The following GRB10 variants were observed in gnomAD, a reference collection of about 807,000 sequenced individuals.
The protein encoded by GRB10 is growth factor receptor-bound protein 10.
A neutral mutation model predicts 80.9 loss-of-function variants in GRB10; 20 were observed. That is an observed-to-expected ratio of 0.25 (90% CI 0.17 to 0.36). The LOEUF (loss-of-function observed/expected upper bound fraction) is 0.36, where lower values mean the gene tolerates loss of function less well. Among genes scored for constraint, GRB10 ranks in the 10% least tolerant of loss-of-function variants. The pLI is 1.00. For missense variants in GRB10, 548 were observed against 747.7 expected (o/e 0.73, Z 3.12); for synonymous variants, 291 against 291.5 (o/e 1.00, Z 0.02).
chr7:50,626,715 T>A (rs1205024221), intron 8 of GRB10, 107 bp downstream of exon 8: 7 of 1,298,854 alleles, frequency 5.4e-6, no homozygotes, highest in Non-Finnish European at 7.8e-6. Context: ...GCCTGCTAAT[T>A]TCGCAGGGGA....
At position 50,603,912 on chromosome 7, in the gene GRB10, A is replaced by T. The variant is rs1585522598; in HGVS notation, c.1544+86T>A. The T allele has an allele frequency of 3.6e-6, 4 of 1,100,084 alleles. No individual in the cohort carries two copies. In the East Asian group the frequency reaches 9.4e-5, roughly 26 times the overall value. The allele number at this position is 1,100,084 out of a possible 1,614,324, so 68.1% of individuals were successfully genotyped here. A position where few individuals can be genotyped will look rare whatever the true frequency, so the allele number is the denominator to read the frequency against. On this transcript the variant is annotated intron_variant, in intron 17 of 18. Transcript: ENST00000401949. ...GGACAAAACTGCTGCCTGTCCAGCAAGGATGTCTGAGGAATTAAACAGAAC... is the reference window on the plus strand; with the variant it reads ...GGACAAAACTGCTGCCTGTCCAGCATGGATGTCTGAGGAATTAAACAGAAC...
At chr7:50,757,199 G>A (rs1300588623) in intron 2 of GRB10, among the ~76,000 whole-genome samples, 1 of 152,192 alleles carries the variant, frequency 6.6e-6, no homozygotes, top group African/African-American at 2.4e-5. Flanking sequence ...CCACCCCTTA[G>A]CGGCTGATGT....
chr7:50,592,542 AAAG>A lies in GRB10; in HGVS notation c.*407_*409del, dbSNP rs770359104. 4.3e-5 allele frequency: 12 copies of A among 279,890 alleles called. No individual in the cohort carries two copies. The highest frequency in any genetic ancestry group is 9.0e-5 in the East Asian group (1 of 11,166). The allele number at this position is 279,890 out of a possible 1,614,324, so 17.3% of individuals were successfully genotyped here. On this transcript the variant is annotated 3_prime_UTR_variant, in exon 19 of 19. Transcript: ENST00000401949. The stretch of plus-strand genomic sequence containing the variant: ...ATAGGCTGAATACAATATTGAAAAC[AAAG>A]AAGGAGTGCAAAAAAGTGATCAATA...
intron 7 of GRB10, among the ~76,000 whole-genome samples, chr7:50,642,563 C>CT: frequency 6.6e-6 from 1 of 152,158 alleles, no homozygotes; most frequent in African/African-American, 2.4e-5. Context: ...CCAAAAAACT[C>CT]TAAAATCTGA....
At chr7:50,610,147 A>C (rs968880229) in intron 13 of GRB10, among the ~76,000 whole-genome samples, 1 of 152,158 alleles carries the variant, frequency 6.6e-6, no homozygotes, top group Non-Finnish European at 1.5e-5. Context: ...AAGGCAGAGC[A>C]CACACACGGG....
chr7:50,699,375 T>C (rs2190501), intron 5 of GRB10, among the ~76,000 whole-genome samples: 137,992 of 152,284 alleles, frequency 0.91, 62,657 homozygotes, highest in African/African-American at 0.96. Flanking sequence ...TGATGCAATG[T>C]TGTAGGTTTT....
upstream of GRB10, among the ~76,000 whole-genome samples, chr7:50,785,250 G>A (rs956715663): frequency 6.6e-6 from 1 of 152,202 alleles, no homozygotes; most frequent in Non-Finnish European, 1.5e-5. Context: ...GCTCCTGTCA[G>A]CTTCTGAGCA....
intron 7 of GRB10, among the ~76,000 whole-genome samples, chr7:50,657,120 T>C (rs1169850810): frequency 6.6e-6 from 1 of 152,124 alleles, no homozygotes; most frequent in Non-Finnish European, 1.5e-5. Flanking sequence ...ACACAGAAAA[T>C]ACTTATGAGA....
chr7:50,614,270 A>G (rs1011897985), intron 12 of GRB10, among the ~76,000 whole-genome samples: 19 of 152,334 alleles, frequency 1.2e-4, no homozygotes, highest in Admixed American at 1.1e-3. Flanking sequence ...GGGTATGTGC[A>G]TGTAGATGTG....
At chr7:50,669,411 T>TG (rs2060133795) in intron 7 of GRB10, among the ~76,000 whole-genome samples, 1 of 151,998 alleles carries the variant, frequency 6.6e-6, no homozygotes, top group Non-Finnish European at 1.5e-5. Context: ...AACAACCAGA[T>TG]CTCGTGAGAA....
At chr7:50,661,849 A>G (rs1011359502) in intron 7 of GRB10, among the ~76,000 whole-genome samples, 1 of 152,188 alleles carries the variant, frequency 6.6e-6, no homozygotes, top group African/African-American at 2.4e-5. Context: ...TGACAAGCCC[A>G]ACTCTGGTCT....
chr7:50,614,954 G>A (rs557925279), intron 11 of GRB10, 74 bp from the exon 12 acceptor site: 1 of 910,322 alleles, frequency 1.1e-6, no homozygotes, highest in Non-Finnish European at 1.8e-6. Flanking sequence ...GTAGACAGAG[G>A]GCAGTCTCTG....
intron 2 of GRB10, among the ~76,000 whole-genome samples, chr7:50,778,936 C>T (rs910275183): frequency 6.6e-6 from 1 of 152,068 alleles, no homozygotes; most frequent in East Asian, 1.9e-4. Flanking sequence ...TCATCATAAA[C>T]AAAAGAGAAA....
intron 2 of GRB10, among the ~76,000 whole-genome samples, chr7:50,763,957 G>A (rs1044343346): frequency 6.6e-6 from 1 of 152,222 alleles, no homozygotes; most frequent in Non-Finnish European, 1.5e-5. Flanking sequence ...ACAGCTGCCA[G>A]GCCTGACGCG....
At chr7:50,706,787 C>T (rs1341016173) in intron 4 of GRB10, among the ~76,000 whole-genome samples, 1 of 152,200 alleles carries the variant, frequency 6.6e-6, no homozygotes, top group African/African-American at 2.4e-5. Context: ...CCCTGATACT[C>T]ATCAGCTAAG....
chr7:50,613,926 C>T (rs551797264), intron 12 of GRB10, among the ~76,000 whole-genome samples: 1 of 152,294 alleles, frequency 6.6e-6, no homozygotes, highest in South Asian at 2.1e-4. Flanking sequence ...GGGCAAACTC[C>T]AAGCACAACT....
upstream of GRB10, among the ~76,000 whole-genome samples, chr7:50,787,470 T>C (rs1258527046): frequency 6.6e-6 from 1 of 152,196 alleles, no homozygotes; most frequent in Non-Finnish European, 1.5e-5. Flanking sequence ...CTCTGGGTGT[T>C]GAGGAATTAG....
intron 7 of GRB10, among the ~76,000 whole-genome samples, chr7:50,656,679 C>A (rs1355384449): frequency 6.6e-5 from 10 of 152,324 alleles, no homozygotes; most frequent in African/African-American, 2.4e-4. Flanking sequence ...GGAAGGCAGG[C>A]TTCCAAAGCC....
At chr7:50,594,558 C>T (rs896000697) in intron 18 of GRB10, among the ~76,000 whole-genome samples, 3 of 152,200 alleles carry the variant, frequency 2.0e-5, no homozygotes, top group African/African-American at 4.8e-5. Context: ...ACTGTCCAGC[C>T]AGCCTCTTTT....
Sources: gnomAD v4.1 joint callset for allele counts (sites outside exome capture counted in the v4.1 genomes callset) on GRCh38, gnomAD v4.1.1 for gene constraint, MANE v1.5 for transcripts, NCBI Gene and HGNC (gene_info 2026-07-23, HGNC 2026-07-21) for gene names.